PUDP: variants seen among roughly 807,000 people sequenced by gnomAD.
PUDP encodes the protein pseudouridine 5'-phosphatase.
A neutral mutation model predicts 9.4 loss-of-function variants in PUDP; 8 were observed. That is an observed-to-expected ratio of 0.85 (90% confidence interval 0.50 to 1.53). The LOEUF (loss-of-function observed/expected upper bound fraction) is 1.53. Among genes scored for constraint, PUDP ranks in the 40% most tolerant of loss-of-function variants. The probability of loss-of-function intolerance (pLI) is 0.00; values close to 1 mark genes in which losing one functional copy is unlikely to be tolerated. For missense variants in PUDP, 188 were observed against 189.7 expected, an observed-to-expected ratio of 0.99 and a Z score of 0.05; for synonymous variants, 99 against 80.7, an observed-to-expected ratio of 1.23 and a Z score of -1.22.
chrX:7,141,353 T>G (rs1454495077), intron 1 of PUDP, among the ~76,000 whole-genome samples: 1 of 112,655 alleles, frequency 8.9e-6, no homozygotes, highest in African/African-American at 3.2e-5. Context: ...ATTGCTGACA[T>G]AGAGGAAGTT....
At position 7,033,809 on chromosome X, in the gene PUDP, T is replaced by C. The variant is rs191866281; in HGVS notation, c.204+43411A>G. The stretch of plus-strand genomic sequence containing the variant: ...GTACTGCTAAGAGTGAGGTGGAAAG[T>C]ATCATGCGAACCCCAGAGCTTCAAT... On this transcript the variant is annotated intron_variant and NMD_transcript_variant, in intron 1 of 3. Transcript: ENST00000655425. Among the ~76,000 whole-genome samples, 59 of 112,116 alleles carry C rather than the reference T, an allele frequency of 5.3e-4. 1 individual carries two copies. The East Asian group carries it at 0.016, about 30-fold the overall frequency.
intron 3 of PUDP, among the ~76,000 whole-genome samples, chrX:6,862,941 C>A: frequency 8.9e-6 from 1 of 111,817 alleles, no homozygotes; most frequent in Middle Eastern, 4.6e-3. Context: ...TTTCCCGTAA[C>A]CTCATTTTAA....
chrX:6,908,465 G>T (rs772946080), intron 3 of PUDP, among the ~76,000 whole-genome samples: 2 of 112,082 alleles, frequency 1.8e-5, no homozygotes, highest in East Asian at 5.6e-4. Flanking sequence ...CAGGGAAGGG[G>T]TGAGAATTAA....
intron 3 of PUDP, among the ~76,000 whole-genome samples, chrX:6,876,872 TATAA>T (rs781636914): frequency 1.0e-4 from 11 of 110,184 alleles, no homozygotes; most frequent in Non-Finnish European, 1.7e-4. Context: ...TACACACACA[TATAA>T]ATATAGACAC....
intron 3 of PUDP, among the ~76,000 whole-genome samples, chrX:6,908,472 T>A (rs182007000): frequency 8.9e-6 from 1 of 111,901 alleles, no homozygotes; most frequent in Non-Finnish European, 1.9e-5. Flanking sequence ...GGGGTGAGAA[T>A]TAAAAAGCAG....
At chrX:6,824,463 C>G (rs946447042) in intron 3 of PUDP, among the ~76,000 whole-genome samples, 1 of 111,428 alleles carries the variant, frequency 9.0e-6, no homozygotes, top group African/African-American at 3.3e-5. Flanking sequence ...AATGTCTAAC[C>G]TCCTGAGAAT....
At chrX:7,146,450 C>T (rs928864182) in intron 1 of PUDP, among the ~76,000 whole-genome samples, 20 of 111,652 alleles carry the variant, frequency 1.8e-4, no homozygotes, top group Non-Finnish European at 1.1e-4. Context: ...TTTTGACCAC[C>T]GGAGTAGGAA....
chrX:7,077,162 ATAT>A, intron 3 of PUDP, 55 bp downstream of exon 3: 2 of 1,157,589 alleles, frequency 1.7e-6, no homozygotes, highest in Non-Finnish European at 2.3e-6. Flanking sequence ...CACTACATGG[ATAT>A]TATTTGGTGG....
At chrX:7,041,535 C>A (rs924262061) in intron 1 of PUDP, among the ~76,000 whole-genome samples, 3 of 111,974 alleles carry the variant, frequency 2.7e-5, no homozygotes, top group Admixed American at 1.9e-4. Flanking sequence ...AGTTAAGATT[C>A]CTTTCTGAGC....
At position 6,768,337 on chromosome X, in the gene PUDP, G is replaced by A. The variant is rs140444338; in HGVS notation, c.*248-61871C>T. ...ATCCTCAAATGTCACTGGTGCCAAG[G>A]TGGACAAACCACAGTTCTGCCAAAT... On this transcript the variant is annotated intron_variant and NMD_transcript_variant, in intron 3 of 3. Transcript: ENST00000655425. 7.8e-3 allele frequency among the ~76,000 whole-genome samples: 873 copies of A among 111,960 alleles called. 10 individuals are homozygous for A. Among genetic ancestry groups the A allele is most frequent in the African/African-American group, 0.027 (821 of 30,828 alleles).
intron 3 of PUDP, among the ~76,000 whole-genome samples, chrX:6,839,661 C>T (rs191222288): frequency 1.1e-4 from 12 of 111,485 alleles, no homozygotes; most frequent in East Asian, 5.7e-4. Flanking sequence ...CTTAAAACAA[C>T]GAGAGACCAC....
At chrX:7,043,297 T>C (rs1929946528) in intron 1 of PUDP, among the ~76,000 whole-genome samples, 1 of 111,132 alleles carries the variant, frequency 9.0e-6, no homozygotes. Flanking sequence ...GCTGCCCTCA[T>C]GGTAATGAGT....
At chrX:6,876,974 C>CAT (rs1555914398) in intron 3 of PUDP, among the ~76,000 whole-genome samples, 1 of 107,324 alleles carries the variant, frequency 9.3e-6, no homozygotes, top group Non-Finnish European at 1.9e-5. Flanking sequence ...CACACACACA[C>CAT]ACATAACACT....
In PUDP at chrX:7,105,759, G is replaced by C. The variant is rs1444949037; in HGVS notation, c.141C>G (p.Ser47=). ...CTAATGCCTTCTTACCCATAACCAG[G>C]GACTTTACATCCCAGCTGTATTTCT... ...YDKKYSWDVK[S]LVMGKKALEA... Residue 47 remains serine (S), a synonymous_variant, in exon 2 of 4, where the codon TCC becomes TCG. Transcript: ENST00000381077. The C allele has an allele frequency of 8.3e-7, 1 of 1,205,791 alleles. No individual in the cohort carries two copies. The highest frequency in any genetic ancestry group is 1.8e-5 in the African/African-American group (1 of 56,812).
At chrX:6,998,467 A>G (rs1027631342) in intron 1 of PUDP, among the ~76,000 whole-genome samples, 5 of 111,101 alleles carry the variant, frequency 4.5e-5, no homozygotes, top group Non-Finnish European at 7.5e-5. Context: ...GGGGCTACAC[A>G]AGAAAAATAA....
intron 3 of PUDP, among the ~76,000 whole-genome samples, chrX:6,957,317 G>A (rs140967360): frequency 0.017 from 1,927 of 110,282 alleles, 43 homozygotes; most frequent in African/African-American, 0.061. Flanking sequence ...GGCCATGAAG[G>A]CTCTGCCCTT....
chrX:7,116,577 C>T (rs1932198831), intron 1 of PUDP, among the ~76,000 whole-genome samples: 1 of 111,699 alleles, frequency 9.0e-6, no homozygotes, highest in African/African-American at 3.3e-5. Context: ...CACAGGCACT[C>T]CTGCATCCCT....
chrX:6,932,469 T>C (rs5978809), intron 3 of PUDP, among the ~76,000 whole-genome samples: 2,004 of 111,706 alleles, frequency 0.018, 31 homozygotes, highest in Middle Eastern at 0.027. Flanking sequence ...AAGAATCCAG[T>C]AGCCATAGAG....
chrX:6,816,714 A>C (rs1002302774), intron 3 of PUDP, among the ~76,000 whole-genome samples: 1 of 98,427 alleles, frequency 1.0e-5, no homozygotes, highest in African/African-American at 3.6e-5. Context: ...TATACTATAT[A>C]GTATATACAA....
Sources: allele counts gnomAD v4.1 joint callset (sites outside exome capture counted in the v4.1 genomes callset), GRCh38; gene constraint gnomAD v4.1.1; transcripts MANE v1.5; gene names NCBI Gene and HGNC (gene_info 2026-07-23, HGNC 2026-07-21).